Variants in TM4SF19 observed in about 807,000 individuals in gnomAD.
TM4SF19 encodes transmembrane 4 L six family member 19.
Under a neutral mutation model 21.8 loss-of-function variants are expected in TM4SF19, and 17 were observed. That is an observed-to-expected ratio of 0.78 (90% CI 0.53 to 1.17). TM4SF19 has a LOEUF of 1.17. Ranked by LOEUF, TM4SF19 falls within the 50% of genes most tolerant of loss-of-function variation. TM4SF19 has a pLI of 0.00. For missense variants in TM4SF19, 216 were observed against 252.1 expected (o/e 0.86, Z 0.97); for synonymous variants, 107 against 106.7 (o/e 1.00, Z -0.02).
At chr3:196,327,676 A>G in intron 1 of TM4SF19, 85 bp from the exon 2 acceptor site, 1 of 1,202,298 alleles carries the variant, frequency 8.3e-7, no homozygotes, top group Non-Finnish European at 1.2e-6. Flanking sequence ...TGGGTGAGGG[A>G]AACAGACTAC....
Position 196,324,352 on chromosome 3 carries a change from G to A in TM4SF19, c.368C>T (p.Pro123Leu). ...VTSGVALKDGPFCMFDVSSFN... is the reference protein window; with the variant it reads ...VTSGVALKDGLFCMFDVSSFN... The stretch of plus-strand genomic sequence containing the variant: ...GGATGAAACATCAAACATGCAAAAA[G>A]GACCATCTTTCAGAGCAACTCCAGA... Residue 123 changes from proline to leucine, a missense_variant, in exon 4 of 5, where the codon CCT (proline) becomes CTT (leucine). Transcript: ENST00000273695. The A allele has an allele frequency of 6.2e-7, 1 of 1,614,130 alleles. No homozygotes were observed. The highest frequency in any genetic ancestry group is 2.2e-5 in the East Asian group (1 of 44,882).
chr3:196,324,544 T>A, intron 3 of TM4SF19, 104 bp from the exon 4 acceptor site: 2 of 1,223,136 alleles, frequency 1.6e-6, no homozygotes, highest in Non-Finnish European at 2.3e-6. Flanking sequence ...CTGGGGAGTC[T>A]GTGGGGCGGT....
chr3:196,324,396 G>C lies in TM4SF19; in HGVS notation c.324C>G (p.Ala108=), dbSNP rs770917436. Residue 108 remains alanine (A), a synonymous_variant, in exon 4 of 5, where the codon GCC becomes GCG. Transcript: ENST00000273695. Reference sequence around the variant, plus strand: ...CTCCAGAAGTGACAAAGCAAATCAGGGCTCCAAGTAAAGCCAGGCCACCTG... The same window carrying C: ...CTCCAGAAGTGACAAAGCAAATCAGCGCTCCAAGTAAAGCCAGGCCACCTG... ...LLSGGLALLG[A]LICFVTSGVA... 1 of 1,614,110 alleles carries C rather than the reference G, an allele frequency of 6.2e-7. No individual in the cohort carries two copies.
intron 1 of TM4SF19, among the ~76,000 whole-genome samples, chr3:196,331,743 C>T (rs1161158425): frequency 6.6e-6 from 1 of 151,706 alleles, no homozygotes; most frequent in Admixed American, 6.6e-5. Flanking sequence ...GCCGAGATTA[C>T]GCCACTGCAC....
chr3:196,330,614 C>G (rs1206493536), intron 1 of TM4SF19, among the ~76,000 whole-genome samples: 1 of 152,132 alleles, frequency 6.6e-6, no homozygotes, highest in African/African-American at 2.4e-5. Context: ...AAACAAAAGA[C>G]TACTCACATG....
chr3:196,337,694 T>G (rs980878452), intron 1 of TM4SF19, among the ~76,000 whole-genome samples: 3 of 152,116 alleles, frequency 2.0e-5, no homozygotes, highest in Admixed American at 2.0e-4. Flanking sequence ...AGGCGCCAAG[T>G]CAAGGGTCTA....
intron 1 of TM4SF19, among the ~76,000 whole-genome samples, chr3:196,331,935 T>C (rs1027779791): frequency 1.3e-5 from 2 of 151,958 alleles, no homozygotes; most frequent in African/African-American, 2.4e-5. Context: ...CTTGAGGCTC[T>C]TGACACGCCT....
Position 196,323,941 on chromosome 3 carries a change from G to C in TM4SF19, c.506C>G (p.Ala169Gly), listed in dbSNP as rs143786271. 6.8e-6 allele frequency: 11 copies of C among 1,613,992 alleles called. No homozygotes were observed. The highest frequency in any genetic ancestry group is 9.3e-6 in the Non-Finnish European group (11 of 1,180,024). Residue 169 changes from alanine to glycine, a missense_variant, in exon 5 of 5, where the codon GCT becomes GGT. Coordinates refer to ENST00000273695, the MANE Select transcript of TM4SF19 (RefSeq NM_138461.4). Reference sequence around the variant, plus strand: ...GAAGAGGGACACGTGCCAGACAACAGCTGCAGAGGGCTCCAGGCAGACGGA... The same window carrying C: ...GAAGAGGGACACGTGCCAGACAACACCTGCAGAGGGCTCCAGGCAGACGGA... ...WNSVCLEPSAAVVWHVSLFSA... is the reference protein window; with the variant it reads ...WNSVCLEPSAGVVWHVSLFSA...
chr3:196,323,633 G>A lies in TM4SF19; in HGVS notation c.*184C>T. ...TATCCTATCCATGGATCACCTGGAA[G>A]TTTACAATGTGATTTAAAATGCATT... On this transcript the variant is annotated 3_prime_UTR_variant, in exon 5 of 5. Transcript: ENST00000273695. 8.4e-7 allele frequency: 1 copy of A among 1,183,802 alleles called. No individual in the cohort carries two copies. Among genetic ancestry groups the A allele is most frequent in the Non-Finnish European group, 1.2e-6 (1 of 855,794 alleles). 73.3% of individuals were successfully genotyped at this position (1,183,802 alleles called of 1,614,324 possible).
chr3:196,337,055 T>C (rs1727790626), intron 1 of TM4SF19, among the ~76,000 whole-genome samples: 1 of 101,332 alleles, frequency 9.9e-6, no homozygotes, highest in Non-Finnish European at 2.3e-5. Context: ...GCAATTCTTT[T>C]TTTTTTTTTT....
At chr3:196,327,646 G>A in intron 1 of TM4SF19, 55 bp from the exon 2 acceptor site, 1 of 1,469,252 alleles carries the variant, frequency 6.8e-7, no homozygotes, top group Non-Finnish European at 9.5e-7. Context: ...GATGGGGAAG[G>A]GAACTCCAGC....
intron 1 of TM4SF19, among the ~76,000 whole-genome samples, chr3:196,337,774 C>T (rs943067377): frequency 3.3e-5 from 5 of 152,030 alleles, no homozygotes; most frequent in Non-Finnish European, 7.4e-5. Context: ...CCTTTCATTG[C>T]TGCTCAAAAA....
In TM4SF19 at chr3:196,323,722, G is replaced by GAAGTTTGTT. The variant is rs769274283; in HGVS notation, c.*86_*94dup. On this transcript the variant is annotated 3_prime_UTR_variant, in exon 5 of 5. Transcript: ENST00000273695. ...TATTACTCCAGGGATACCTAAAGGGGAAGTTTGTTTATAATTCGTACCCAC... is the reference window on the plus strand; with the variant it reads ...TATTACTCCAGGGATACCTAAAGGGGAAGTTTGTTAAGTTTGTTTATAATTCGTACCCAC... The GAAGTTTGTT allele has an allele frequency of 6.3e-7, 1 of 1,599,894 alleles. No homozygotes were observed. The highest frequency in any genetic ancestry group is 1.1e-5 in the South Asian group (1 of 89,870).
intron 1 of TM4SF19, among the ~76,000 whole-genome samples, chr3:196,337,625 G>A (rs571807060): frequency 6.6e-6 from 1 of 152,134 alleles, no homozygotes; most frequent in Non-Finnish European, 1.5e-5. Flanking sequence ...GTGAGCATGC[G>A]CACGACTTCA....
Position 196,325,277 on chromosome 3 carries a change from A to G in TM4SF19, c.280-837T>C, listed in dbSNP as rs1727242589. Reference sequence around the variant, plus strand: ...GAGTGCAGTGGCACGATCTCAGCTCACTGCAACCTCTGCCTCTGAGTTCAA... The same window carrying G: ...GAGTGCAGTGGCACGATCTCAGCTCGCTGCAACCTCTGCCTCTGAGTTCAA... On this transcript the variant is annotated intron_variant, in intron 3 of 4. Coordinates refer to ENST00000273695, the MANE Select transcript of TM4SF19 (RefSeq NM_138461.4). This position sits in a 1 kb window ranked among gnomAD's most constrained non-coding sequence, Gnocchi z 4.3. The G allele has an allele frequency of 6.6e-6, 1 of 152,166 alleles. No individual in the cohort carries two copies. The highest frequency in any genetic ancestry group is 1.5e-5 in the Non-Finnish European group (1 of 68,144). The allele number at this position is 152,166 out of a possible 1,614,324, so 9.4% of individuals were successfully genotyped here. A position where few individuals can be genotyped will look rare whatever the true frequency, so the allele number is the denominator to read the frequency against.
rs557644933 is a variant in TM4SF19, at chr3:196,323,957, G to A, written c.490C>T (p.Leu164=). The change falls in exon 5 of 5, where the codon CTG becomes TTG. Residue 164 remains leucine, a synonymous_variant. Coordinates refer to ENST00000273695, the MANE Select transcript of TM4SF19 (RefSeq NM_138461.4). ...CAGACAACAGCTGCAGAGGGCTCCA[G>A]GCAGACGGAGTTCCAGAGCGAACGG... ...YDRSLWNSVC[L]EPSAAVVWHV... is the part of the protein sequence containing the mutation. 6.2e-6 allele frequency: 10 copies of A among 1,614,078 alleles called. No individual in the cohort carries two copies. In the South Asian group the frequency reaches 7.7e-5, roughly 12 times the overall value.
chr3:196,323,792 T>C lies in TM4SF19; in HGVS notation c.*25A>G, dbSNP rs1208481899. ...AGACAGCCGATGATGAAAACACCCA[T>C]GCTTGCAAGTGAAGGTTCTGCCTGT... On this transcript the variant is annotated 3_prime_UTR_variant, in exon 5 of 5. Transcript: ENST00000273695. 3.1e-6 allele frequency: 5 copies of C among 1,613,972 alleles called. No homozygotes were observed. In the South Asian group the frequency reaches 3.3e-5, roughly 11 times the overall value.
At chr3:196,335,584 A>C (rs1727723477) in intron 1 of TM4SF19, among the ~76,000 whole-genome samples, 1 of 151,446 alleles carries the variant, frequency 6.6e-6, no homozygotes, top group South Asian at 2.1e-4. Flanking sequence ...CCAGGGGCCC[A>C]AGGGTCCTGG....
Position 196,323,549 on chromosome 3 carries a change from TG to T in TM4SF19, c.*267del, listed in dbSNP as rs1356540763. 6 of 696,776 alleles carry T rather than the reference TG, an allele frequency of 8.6e-6. No homozygotes were observed. Among genetic ancestry groups the T allele is most frequent in the Non-Finnish European group, 1.2e-5 (5 of 430,092 alleles). The allele number at this position is 696,776 out of a possible 1,614,324, so 43.2% of individuals were successfully genotyped here. A position where few individuals can be genotyped will look rare whatever the true frequency, so the allele number is the denominator to read the frequency against. On this transcript the variant is annotated 3_prime_UTR_variant, in exon 5 of 5. Coordinates refer to ENST00000273695, the MANE Select transcript of TM4SF19 (RefSeq NM_138461.4). ...TTGTCAAGAAGCTGAAATGAGACCC[TG>T]GCTGGAGGATATTTTATGGACTATA...
Sources: gnomAD v4.1 joint callset for allele counts (sites outside exome capture counted in the v4.1 genomes callset) on GRCh38, gnomAD v4.1.1 for gene constraint, Gnocchi (gnomAD v3.1) non-coding constraint, MANE v1.5 for transcripts, NCBI Gene and HGNC (gene_info 2026-07-23, HGNC 2026-07-21) for gene names.